ROBO2: variants seen among roughly 807,000 people sequenced by gnomAD.
The protein encoded by ROBO2 is roundabout guidance receptor 2, also known as roundabout homolog 2.
A neutral mutation model predicts 160.8 loss-of-function variants in ROBO2; 53 were observed. The ratio of observed to expected loss-of-function variants is 0.33; its 90% CI spans 0.26 to 0.41. The LOEUF (loss-of-function observed/expected upper bound fraction) is 0.41, where lower values mean the gene tolerates loss of function less well. Ranked by LOEUF, ROBO2 falls within the 10% of genes least tolerant of loss-of-function variation. The probability of loss-of-function intolerance (pLI) is 1.00; values close to 1 mark genes in which losing one functional copy is unlikely to be tolerated. For synonymous variants in ROBO2, 664 were observed against 611.7 expected (o/e 1.09, Z -1.26); for missense variants, 1,577 against 1,722.4 (o/e 0.92, Z 1.49).
intron 2 of ROBO2, among the ~76,000 whole-genome samples, chr3:76,382,325 AC>A (rs2076670117): frequency 6.6e-6 from 1 of 152,162 alleles, no homozygotes; most frequent in Non-Finnish European, 1.5e-5. Flanking sequence ...GCGGTGACTC[AC>A]GCCTGTAATC....
chr3:76,616,310 T>A (rs13085943), intron 2 of ROBO2, among the ~76,000 whole-genome samples: 25,373 of 152,158 alleles, frequency 0.17, 2,276 homozygotes, highest in Middle Eastern at 0.2. Context: ...TTTTAAAAGC[T>A]GAGTTAATGT....
chr3:76,596,556 T>C (rs1341371640), intron 2 of ROBO2, among the ~76,000 whole-genome samples: 1 of 152,062 alleles, frequency 6.6e-6, no homozygotes, highest in Non-Finnish European at 1.5e-5. Flanking sequence ...TTGTTAAATG[T>C]AGGTGGCAAT....
chr3:76,356,598 T>C (rs1419331905), intron 2 of ROBO2, among the ~76,000 whole-genome samples: 2 of 151,566 alleles, frequency 1.3e-5, no homozygotes, highest in African/African-American at 4.8e-5. Flanking sequence ...AATATAACGA[T>C]GCTAAGCATA....
At chr3:76,033,373 A>C (rs1190283691) in intron 2 of ROBO2, among the ~76,000 whole-genome samples, 1 of 152,094 alleles carries the variant, frequency 6.6e-6, no homozygotes, top group Non-Finnish European at 1.5e-5. Context: ...TGTGAATACT[A>C]AAAGGCCTAG....
At chr3:77,530,963 T>TA (rs571551335) in intron 6 of ROBO2, among the ~76,000 whole-genome samples, 20 of 151,912 alleles carry the variant, frequency 1.3e-4, no homozygotes, top group Non-Finnish European at 1.9e-4. Context: ...AGCCTAAAAA[T>TA]AAAAAAAGAA....
rs145101694 is a variant in ROBO2, at chr3:77,172,098, T to C, written c.388+73758T>C. ...ATAGTTTTATACAGTCAAATTTACA[T>C]ATTTTTGTTCTGTAGGAATTAGTCA... On this transcript the variant is annotated intron_variant, in intron 2 of 25. Coordinates refer to ENST00000461745, the Ensembl canonical transcript of ROBO2. Among the ~76,000 whole-genome samples the C allele has an allele frequency of 2.6e-5, 4 of 152,330 alleles. No individual in the cohort carries two copies. The East Asian group carries it at 7.7e-4, about 29-fold the overall frequency.
intron 1 of ROBO2, among the ~76,000 whole-genome samples, chr3:77,056,064 A>G (rs556564674): frequency 6.6e-6 from 1 of 152,318 alleles, no homozygotes; most frequent in East Asian, 1.9e-4. Flanking sequence ...TTCCGTGGGA[A>G]AACATTAGAT....
intron 2 of ROBO2, among the ~76,000 whole-genome samples, chr3:76,170,977 CATTT>C (rs906601066): frequency 2.0e-5 from 3 of 152,146 alleles, no homozygotes; most frequent in African/African-American, 7.2e-5. Flanking sequence ...TATGCACATT[CATTT>C]ATTACACATT....
At chr3:77,516,360 A>G (rs1333971561) in intron 5 of ROBO2, among the ~76,000 whole-genome samples, 1 of 151,628 alleles carries the variant, frequency 6.6e-6, no homozygotes, top group South Asian at 2.1e-4. Context: ...TAAATGAAAG[A>G]GTATATTTGA....
chr3:77,058,312 C>A (rs2065960364), intron 1 of ROBO2, among the ~76,000 whole-genome samples: 2 of 151,942 alleles, frequency 1.3e-5, no homozygotes, highest in African/African-American at 4.8e-5. Flanking sequence ...CTGGAAAGTT[C>A]CAGCTAAATA....
chr3:76,854,058 C>T (rs868267445), intron 2 of ROBO2, among the ~76,000 whole-genome samples: 9 of 85,518 alleles, frequency 1.1e-4, no homozygotes, highest in Non-Finnish European at 1.5e-4. Flanking sequence ...CTCTCTCTCT[C>T]TCTCTCTCTT....
intron 2 of ROBO2, among the ~76,000 whole-genome samples, chr3:76,949,233 T>C (rs2078808684): frequency 6.6e-6 from 1 of 152,088 alleles, no homozygotes; most frequent in Non-Finnish European, 1.5e-5. Flanking sequence ...GCAGCTCTTA[T>C]GCTGCCTTTT....
chr3:77,328,148 C>T (rs940643464), intron 2 of ROBO2, among the ~76,000 whole-genome samples: 2 of 151,756 alleles, frequency 1.3e-5, no homozygotes, highest in Non-Finnish European at 2.9e-5. Flanking sequence ...CCCCACTTCC[C>T]CCACACCCCT....
chr3:76,959,366 T>C (rs1164481695), intron 2 of ROBO2, among the ~76,000 whole-genome samples: 2 of 152,214 alleles, frequency 1.3e-5, no homozygotes, highest in Non-Finnish European at 2.9e-5. Flanking sequence ...TGGCTGATTA[T>C]ATCCTCTGGC....
At position 77,137,909 on chromosome 3, in the gene ROBO2, A is replaced by G. The variant is rs146622066; in HGVS notation, c.388+39569A>G. ...GTATCTTCAGTTCTGTGACCCTGAC[A>G]GGGAAGGTCATTGGTGCAGCCCTTC... is the stretch of plus-strand genomic sequence containing the variant. On this transcript the variant is annotated intron_variant, in intron 2 of 25. Transcript: ENST00000461745. 2.0e-5 allele frequency among the ~76,000 whole-genome samples: 3 copies of G among 152,350 alleles called. No homozygotes were observed. In the East Asian group the frequency reaches 5.8e-4, roughly 29 times the overall value.
chr3:77,183,380 G>A (rs1278759108), intron 2 of ROBO2, among the ~76,000 whole-genome samples: 2 of 152,030 alleles, frequency 1.3e-5, no homozygotes, highest in East Asian at 1.9e-4. Context: ...GTCTCAGAAT[G>A]TAACTGGATT....
chr3:77,221,859 T>C (rs1010931844), intron 2 of ROBO2, among the ~76,000 whole-genome samples: 37 of 142,582 alleles, frequency 2.6e-4, no homozygotes, highest in Non-Finnish European at 3.6e-4. Context: ...TTTTTCTTTT[T>C]TTTTTTTTTT....
At chr3:77,436,856 A>G (rs112169307) in intron 2 of ROBO2, among the ~76,000 whole-genome samples, 4 of 151,962 alleles carry the variant, frequency 2.6e-5, no homozygotes, top group African/African-American at 9.7e-5. Flanking sequence ...TGCAGAGGAA[A>G]TATCTGTCAA....
At chr3:76,125,121 A>G (rs1420261499) in intron 2 of ROBO2, among the ~76,000 whole-genome samples, 2 of 152,042 alleles carry the variant, frequency 1.3e-5, no homozygotes, top group Non-Finnish European at 2.9e-5. Context: ...TCCTACATTA[A>G]TTTGTTTAGG....
Sources: allele counts gnomAD v4.1 joint callset (sites outside exome capture counted in the v4.1 genomes callset), GRCh38; gene constraint gnomAD v4.1.1; transcripts MANE v1.5; gene names NCBI Gene and HGNC (gene_info 2026-07-23, HGNC 2026-07-21).